Variants in GRHL3 observed in about 807,000 individuals in gnomAD.
GRHL3 encodes the protein grainyhead like transcription factor 3, also known as grainyhead-like protein 3 homolog.
In GRHL3, 20 loss-of-function variants were observed where a neutral mutation model predicts 70.3. The ratio of observed to expected loss-of-function variants is 0.28; its 90% CI spans 0.20 to 0.41. GRHL3 has a LOEUF of 0.41. GRHL3 is among the 10% of genes least tolerant of loss of function. GRHL3 has a pLI of 1.00. For synonymous variants in GRHL3, 299 were observed against 299.9 expected, an observed-to-expected ratio of 1.00 and a Z score of 0.03; for missense variants, 637 against 762.3, an observed-to-expected ratio of 0.84 and a Z score of 1.94.
intron 12 of GRHL3, 47 bp downstream of exon 12, chr1:24,344,978 TCCACACCTGTGC>T (rs1640192621): frequency 1.9e-6 from 1 of 536,422 alleles, no homozygotes; most frequent in African/African-American, 7.9e-5. Flanking sequence ...CTGTGCACCC[TCCACACCTGTGC>T]CCCCTCCACA....
chr1:24,350,436 T>C (rs769342392), intron 15 of GRHL3, among the ~76,000 whole-genome samples: 6 of 152,226 alleles, frequency 3.9e-5, no homozygotes, highest in South Asian at 4.1e-4. Flanking sequence ...ATTATAAAGA[T>C]AATGATTATA....
downstream of GRHL3, chr1:24,358,182 C>G (rs1363397099): frequency 1.9e-6 from 1 of 514,038 alleles, no homozygotes; most frequent in Non-Finnish European, 3.8e-6. Context: ...TCAGGGTGGA[C>G]TGATCCTCCT....
intron 7 of GRHL3, among the ~76,000 whole-genome samples, chr1:24,339,383 C>G (rs2148658152): frequency 6.6e-6 from 1 of 152,078 alleles, no homozygotes; most frequent in South Asian, 2.1e-4. Context: ...TTACTTAGGC[C>G]ATTCTCCTGC....
chr1:24,358,708 TG>T, downstream of GRHL3: 1 of 988,158 alleles, frequency 1.0e-6, no homozygotes, highest in South Asian at 1.5e-5. Flanking sequence ...TGGAAAGGCC[TG>T]GGGACCCCTG....
At chr1:24,332,377 A>T (rs1639645227) in intron 2 of GRHL3, among the ~76,000 whole-genome samples, 1 of 152,136 alleles carries the variant, frequency 6.6e-6, no homozygotes, top group South Asian at 2.1e-4. Flanking sequence ...AGCTCCTGAG[A>T]ATAGGAATTA....
Position 24,322,060 on chromosome 1 carries a change from G to A in GRHL3, c.17+2492G>A, listed in dbSNP as rs944813213. The stretch of plus-strand genomic sequence containing the variant: ...GGCCCCCGGGGAGCTGGAGCCGCAG[G>A]CGACCTCCCCGGTGACCTGTTGTTC... On this transcript the variant is annotated intron_variant, in intron 1 of 15. Coordinates refer to ENST00000361548, the MANE Select transcript of GRHL3 (RefSeq NM_198173.3). This position sits in a 1 kb window ranked among gnomAD's most constrained non-coding sequence, Gnocchi z 4.4. Among the ~76,000 whole-genome samples, 2 of 152,066 alleles carry A rather than the reference G, an allele frequency of 1.3e-5. No homozygotes were observed. The highest frequency in any genetic ancestry group is 2.9e-5 in the Non-Finnish European group (2 of 67,980).
chr1:24,362,447 G>T (rs1294298322), intron 15 of GRHL3, among the ~76,000 whole-genome samples: 1 of 152,166 alleles, frequency 6.6e-6, no homozygotes, highest in Non-Finnish European at 1.5e-5. Context: ...CCACTTACTG[G>T]CTGTAAGACA....
At chr1:24,346,162 A>G (rs1640274846) in intron 12 of GRHL3, among the ~76,000 whole-genome samples, 1 of 151,598 alleles carries the variant, frequency 6.6e-6, no homozygotes, top group African/African-American at 2.4e-5. Flanking sequence ...TTCTTTTAAA[A>G]AGGAACGATG....
intron 13 of GRHL3, among the ~76,000 whole-genome samples, chr1:24,347,220 G>A (rs1003706583): frequency 3.3e-5 from 5 of 152,180 alleles, no homozygotes; most frequent in Non-Finnish European, 5.9e-5. Context: ...ATCAGGCTCC[G>A]TGATGTTAAA....
At chr1:24,324,280 A>G (rs1639310096) in intron 1 of GRHL3, among the ~76,000 whole-genome samples, 1 of 152,134 alleles carries the variant, frequency 6.6e-6, no homozygotes, top group Non-Finnish European at 1.5e-5. Context: ...CATGCAACTA[A>G]AAGTGTCTGC....
chr1:24,327,837 G>T (rs1470463462), intron 1 of GRHL3, among the ~76,000 whole-genome samples: 1 of 152,056 alleles, frequency 6.6e-6, no homozygotes, highest in African/African-American at 2.4e-5. Context: ...TCACCTACTG[G>T]CTCCTCAATC....
rs774357267 is a variant in GRHL3 at position 24,336,555 on chromosome 1, A to G, written c.340A>G (p.Thr114Ala). 20 of 1,613,590 alleles carry G rather than the reference A, an allele frequency of 1.2e-5. No homozygotes were observed. The highest frequency in any genetic ancestry group is 8.3e-5 in the Admixed American group (5 of 59,944). The change falls in exon 4 of 16, where the codon ACA becomes GCA. Residue 114 changes from threonine to alanine, a missense_variant. Physicochemically the swap from Thr to Ala is moderately conservative, Grantham distance 58. This residue lies in a region of GRHL3 where 250 missense variants were observed against 248.6 expected (regional missense o/e 1.01). Transcript: ENST00000361548. ...ESPTHLMKFL[T>A]ENVSGTPEYP... ...CCCCACACACCTCATGAAATTCCTG[A>G]CAGAGAACGTGTCTGGAACCCCAGA... is the stretch of plus-strand genomic sequence containing the variant.
intron 15 of GRHL3, chr1:24,364,036 T>C (rs547093869): frequency 8.2e-7 from 1 of 1,223,536 alleles, no homozygotes; most frequent in East Asian, 2.9e-5. Context: ...ATCTCCCATG[T>C]CCTGCTGCTT....
At chr1:24,333,797 G>T (rs1207270995) in intron 2 of GRHL3, among the ~76,000 whole-genome samples, 1 of 152,170 alleles carries the variant, frequency 6.6e-6, no homozygotes, top group African/African-American at 2.4e-5. Context: ...GAATGGTGAT[G>T]ATACTAGTAG....
intron 8 of GRHL3, among the ~76,000 whole-genome samples, chr1:24,341,295 C>T (rs1454199975): frequency 6.6e-6 from 1 of 152,216 alleles, no homozygotes; most frequent in African/African-American, 2.4e-5. Context: ...CAAGCCTACA[C>T]ACCCCACAGC....
At chr1:24,353,282 C>T (rs1293301253) in intron 15 of GRHL3, among the ~76,000 whole-genome samples, 1 of 152,138 alleles carries the variant, frequency 6.6e-6, no homozygotes, top group African/African-American at 2.4e-5. Flanking sequence ...AGGTCTAATT[C>T]ATCTCCATAT....
rs1553174230 is a variant in GRHL3 at position 24,350,125 on chromosome 1, G to A, written c.1694+3G>A. 1 of 1,612,888 alleles carries A rather than the reference G, an allele frequency of 6.2e-7. No individual in the cohort carries two copies. The highest frequency in any genetic ancestry group is 8.5e-7 in the Non-Finnish European group (1 of 1,179,236). On this transcript the variant is annotated splice_donor_region_variant and intron_variant, in intron 15 of 15. Transcript: ENST00000361548. ...GTCTACAAGAAATGCAAGCGAGGGTGAGTGCCTAGTTCACCCTCCCCCAGC... is the reference window on the plus strand; with the variant it reads ...GTCTACAAGAAATGCAAGCGAGGGTAAGTGCCTAGTTCACCCTCCCCCAGC...
intron 1 of GRHL3, among the ~76,000 whole-genome samples, chr1:24,323,394 C>G (rs938651845): frequency 3.9e-5 from 6 of 152,110 alleles, no homozygotes; most frequent in African/African-American, 1.4e-4. Context: ...TGATGCGTGT[C>G]CAAGTTGTAA....
chr1:24,360,951 G>A, intron 15 of GRHL3: 1 of 1,614,086 alleles, frequency 6.2e-7, no homozygotes, highest in Non-Finnish European at 8.5e-7. Context: ...GGCCTAAGTA[G>A]TCCACGATCT....
Sources: allele counts gnomAD v4.1 joint callset (sites outside exome capture counted in the v4.1 genomes callset), GRCh38; gene constraint gnomAD v4.1.1; regional missense constraint gnomAD v4.1.1; non-coding constraint Gnocchi (gnomAD v3.1); transcripts MANE v1.5; gene names NCBI Gene and HGNC (gene_info 2026-07-23, HGNC 2026-07-21).